The following SCARB1 variants were observed in gnomAD, a reference collection of about 807,000 sequenced individuals.
The protein encoded by SCARB1 is CD36 and LIMPII analogous 1.
A neutral mutation model predicts 57.2 loss-of-function variants in SCARB1; 30 were observed. That is an observed-to-expected ratio of 0.52 (90% CI 0.39 to 0.71). The LOEUF (loss-of-function observed/expected upper bound fraction) is 0.71. Ranked by LOEUF, SCARB1 falls within the 30% of genes least tolerant of loss-of-function variation. SCARB1 has a pLI of 0.00. For missense variants in SCARB1, 543 were observed against 671.2 expected, an observed-to-expected ratio of 0.81 and a Z score of 2.11; for synonymous variants, 249 against 268.3, an observed-to-expected ratio of 0.93 and a Z score of 0.70.
At position 124,842,934 on chromosome 12, in the gene SCARB1, T is replaced by C. The variant is rs116804523; in HGVS notation, c.126+20661A>G. Among the ~76,000 whole-genome samples the C allele has an allele frequency of 3.6e-3, 549 of 152,312 alleles. 4 individuals carry two copies. The highest frequency in any genetic ancestry group is 0.012 in the African/African-American group (490 of 41,574). On this transcript the variant is annotated intron_variant, in intron 1 of 12. Coordinates refer to ENST00000261693, the MANE Select transcript of SCARB1 (RefSeq NM_005505.5). ...AAAGCATGGGAACCGTGTGCCCTTGTGGGACGTGTGCCACGGACGGGAAGG... is the reference window on the plus strand; with the variant it reads ...AAAGCATGGGAACCGTGTGCCCTTGCGGGACGTGTGCCACGGACGGGAAGG...
chr12:124,786,126 G>T, intron 11 of SCARB1: 1 of 1,538,118 alleles, frequency 6.5e-7, no homozygotes, highest in Non-Finnish European at 8.7e-7. Flanking sequence ...CTCCAAGGGA[G>T]GGTCCCAGGC....
intron 9 of SCARB1, among the ~76,000 whole-genome samples, chr12:124,787,690 T>C (rs1949573137): frequency 6.6e-6 from 1 of 151,946 alleles, no homozygotes; most frequent in Non-Finnish European, 1.5e-5. Context: ...AAGACTAACT[T>C]TAAATCTTTA....
At chr12:124,850,804 G>A (rs556099951) in intron 1 of SCARB1, among the ~76,000 whole-genome samples, 2 of 152,264 alleles carry the variant, frequency 1.3e-5, no homozygotes, top group African/African-American at 2.4e-5. Context: ...AACAGCCAGA[G>A]ACAGTGAAAG....
chr12:124,830,816 A>T (rs1314835881), intron 1 of SCARB1, among the ~76,000 whole-genome samples: 3 of 152,140 alleles, frequency 2.0e-5, no homozygotes, highest in African/African-American at 7.2e-5. Context: ...AAGCAAAAAA[A>T]ATTTTTTCTT....
chr12:124,843,071 G>C (rs1951970932), intron 1 of SCARB1, among the ~76,000 whole-genome samples: 1 of 152,208 alleles, frequency 6.6e-6, no homozygotes, highest in Admixed American at 6.5e-5. Context: ...GGGGCCAGGG[G>C]AGCAGTGTCG....
intron 9 of SCARB1, among the ~76,000 whole-genome samples, chr12:124,793,887 C>A (rs962215070): frequency 3.3e-5 from 5 of 152,078 alleles, no homozygotes; most frequent in Non-Finnish European, 7.4e-5. Flanking sequence ...TTATGCATAA[C>A]GGCCCAGGCG....
chr12:124,862,044 T>G (rs1952923830), intron 1 of SCARB1, among the ~76,000 whole-genome samples: 1 of 152,068 alleles, frequency 6.6e-6, no homozygotes, highest in Admixed American at 6.5e-5. Context: ...CAGCACAGGG[T>G]CACATGCTTG....
rs1246639906 is a variant in SCARB1, at chr12:124,817,046, G to GTGTA, written c.284+500_284+503dup. On this transcript the variant is annotated intron_variant, in intron 2 of 12. Transcript: ENST00000261693. The surrounding 1 kb of genome is among the most constrained non-coding windows in gnomAD (Gnocchi z 4.8). Reference sequence around the variant, plus strand: ...TGTGTGTGTGTGTGTGTGTGTGTGTGTGTATGTGTGTATGCATGTGTAGGT... The same window carrying GTGTA: ...TGTGTGTGTGTGTGTGTGTGTGTGTGTGTATGTATGTGTGTATGCATGTGTAGGT... 6.8e-6 allele frequency among the ~76,000 whole-genome samples: 1 copy of GTGTA among 147,542 alleles called. No individual in the cohort carries two copies. The highest frequency in any genetic ancestry group is 1.5e-5 in the Non-Finnish European group (1 of 67,136).
chr12:124,848,698 C>T (rs73227586), intron 1 of SCARB1, among the ~76,000 whole-genome samples: 4,741 of 152,324 alleles, frequency 0.031, 101 homozygotes, highest in East Asian at 0.11. Flanking sequence ...AAGCTGGATG[C>T]CTCCCTCGTG....
chr12:124,791,847 G>A (rs1271511219), intron 9 of SCARB1, among the ~76,000 whole-genome samples: 4 of 151,830 alleles, frequency 2.6e-5, no homozygotes, highest in Non-Finnish European at 5.9e-5. Flanking sequence ...TCCCAGCTAC[G>A]CGGGAGGCTG....
At chr12:124,854,237 A>G (rs1402172789) in intron 1 of SCARB1, among the ~76,000 whole-genome samples, 1 of 152,220 alleles carries the variant, frequency 6.6e-6, no homozygotes, top group Non-Finnish European at 1.5e-5. Flanking sequence ...AGCTGAACAG[A>G]GACCTACGGG....
chr12:124,810,224 G>A lies in SCARB1; in HGVS notation c.792C>T (p.Pro264=). 6.2e-7 allele frequency: 1 copy of A among 1,614,186 alleles called. No individual in the cohort carries two copies. The highest frequency in any genetic ancestry group is 8.5e-7 in the Non-Finnish European group (1 of 1,180,006). ...CCAGCGAGGACTCAGGAGTCATGAA[G>A]GGCGGCCACATTTGCCCAGAAGTTC... ...INGTSGQMWP[P]FMTPESSLEF... The change falls in exon 6 of 13, where the codon CCC becomes CCT. Residue 264 remains proline, a synonymous_variant. Transcript: ENST00000261693. The surrounding 1 kb of genome is among the most constrained non-coding windows in gnomAD (Gnocchi z 4.0).
intron 1 of SCARB1, among the ~76,000 whole-genome samples, chr12:124,854,136 C>T (rs1356331933): frequency 6.6e-6 from 1 of 152,086 alleles, no homozygotes; most frequent in African/African-American, 2.4e-5. Context: ...CTAAGCAGAG[C>T]GGGTAAGGAG....
chr12:124,810,826 T>C lies in SCARB1; in HGVS notation c.727-537A>G, dbSNP rs1566179070. On this transcript the variant is annotated intron_variant, in intron 5 of 12. Coordinates refer to ENST00000261693, the MANE Select transcript of SCARB1 (RefSeq NM_005505.5). This position sits in a 1 kb window ranked among gnomAD's most constrained non-coding sequence, Gnocchi z 4.0. ...GAGGATGTTTAAAATCACGTGCACA[T>C]GTACAGTATATTGGAATATACAAGC... Among the ~76,000 whole-genome samples the C allele has an allele frequency of 6.6e-6, 1 of 152,226 alleles. No individual in the cohort carries two copies. Among genetic ancestry groups the C allele is most frequent in the Non-Finnish European group, 1.5e-5 (1 of 68,032 alleles).
At chr12:124,803,714 AAT>A (rs569890671) in intron 7 of SCARB1, among the ~76,000 whole-genome samples, 34,729 of 119,904 alleles carry the variant, frequency 0.29, 5,906 homozygotes, top group Non-Finnish European at 0.36. Context: ...AAAAAAAAAA[AAT>A]TGAAATAAGA....
At chr12:124,834,834 G>A (rs1186062461) in intron 1 of SCARB1, among the ~76,000 whole-genome samples, 1 of 152,188 alleles carries the variant, frequency 6.6e-6, no homozygotes, top group Non-Finnish European at 1.5e-5. Flanking sequence ...CTTGGGCCCA[G>A]AAGGTCGAGG....
intron 1 of SCARB1, among the ~76,000 whole-genome samples, chr12:124,845,664 C>T (rs1402678532): frequency 7.0e-6 from 1 of 142,940 alleles, no homozygotes; most frequent in Admixed American, 7.3e-5. Context: ...GAGATCACGC[C>T]ACTGCATTCC....
intron 9 of SCARB1, among the ~76,000 whole-genome samples, chr12:124,790,046 CAG>C (rs1257890430): frequency 3.4e-5 from 5 of 147,352 alleles, no homozygotes; most frequent in African/African-American, 1.3e-4. Flanking sequence ...AGGTTAGAGG[CAG>C]AGAGAAATTG....
At chr12:124,829,582 T>C (rs1951304208) in intron 1 of SCARB1, among the ~76,000 whole-genome samples, 1 of 152,246 alleles carries the variant, frequency 6.6e-6, no homozygotes, top group African/African-American at 2.4e-5. Context: ...CTGGCCTTGC[T>C]GTGCTCCTGA....
Sources: allele counts gnomAD v4.1 joint callset (sites outside exome capture counted in the v4.1 genomes callset), GRCh38; gene constraint gnomAD v4.1.1; non-coding constraint Gnocchi (gnomAD v3.1); transcripts MANE v1.5; gene names NCBI Gene and HGNC (gene_info 2026-07-23, HGNC 2026-07-21).